The following HAUS1 variants were observed in gnomAD, a reference collection of about 807,000 sequenced individuals.
HAUS1 encodes the protein HAUS augmin like complex subunit 1.
In HAUS1, 25 loss-of-function variants were observed where a neutral mutation model predicts 38.6. That is an observed-to-expected ratio of 0.65 (90% CI 0.47 to 0.91). The LOEUF (loss-of-function observed/expected upper bound fraction) is 0.91. Ranked by LOEUF, HAUS1 falls within the 40% of genes least tolerant of loss-of-function variation. The probability of loss-of-function intolerance (pLI) is 0.00; values close to 1 mark genes in which losing one functional copy is unlikely to be tolerated. For synonymous variants in HAUS1, 109 were observed against 112.9 expected (o/e 0.97, Z 0.22); for missense variants, 325 against 328.4 (o/e 0.99, Z 0.08).
chr18:46,118,145 GCAAA>G (rs1293792837), intron 2 of HAUS1, 32 bp from the exon 3 acceptor site: 4 of 1,604,934 alleles, frequency 2.5e-6, no homozygotes, highest in Non-Finnish European at 3.4e-6. Flanking sequence ...TTTTAAAAAA[GCAAA>G]CAGTCACTAT....
chr18:46,109,070 CAAAA>C (rs58584750), intron 2 of HAUS1, among the ~76,000 whole-genome samples: 10 of 83,060 alleles, frequency 1.2e-4, no homozygotes, highest in Non-Finnish European at 2.0e-4. Flanking sequence ...GACTCCGTCT[CAAAA>C]AAAAAAAAAA....
intron 2 of HAUS1, among the ~76,000 whole-genome samples, chr18:46,112,861 C>T (rs867683116): frequency 2.8e-3 from 218 of 78,304 alleles, no homozygotes; most frequent in African/African-American, 0.012. Flanking sequence ...TTCCATATTA[C>T]ATATATATAA....
At chr18:46,110,238 C>G (rs1414435071) in intron 2 of HAUS1, among the ~76,000 whole-genome samples, 1 of 148,424 alleles carries the variant, frequency 6.7e-6, no homozygotes, top group African/African-American at 2.5e-5. Flanking sequence ...TCACTGCAGC[C>G]TCGAACTTCT....
At chr18:46,116,060 C>G (rs982162113) in intron 2 of HAUS1, among the ~76,000 whole-genome samples, 2 of 150,088 alleles carry the variant, frequency 1.3e-5, no homozygotes, top group Non-Finnish European at 3.0e-5. Context: ...GAACCGAGAT[C>G]GTGCCACTGC....
intron 2 of HAUS1, among the ~76,000 whole-genome samples, chr18:46,107,515 G>C (rs768890304): frequency 2.0e-5 from 3 of 152,106 alleles, no homozygotes; most frequent in Non-Finnish European, 4.4e-5. Flanking sequence ...ATTGAGATCT[G>C]ATAGCTCTAT....
At chr18:46,127,898 G>T (rs146314565) in intron 8 of HAUS1, among the ~76,000 whole-genome samples, 177 bp from the exon 9 acceptor site, 15 of 152,248 alleles carry the variant, frequency 9.9e-5, no homozygotes, top group African/African-American at 3.4e-4. Context: ...TGCAGGGGAA[G>T]AGGGGAGATG....
rs1317389172 is a variant in HAUS1, at chr18:46,124,733, G to C, written c.667-89G>C. On this transcript the variant is annotated intron_variant, in intron 6 of 8. Transcript: ENST00000282058. ...TTATTTAAAATATACTAATGTTAAT[G>C]CTTTGTTGTGTTTTATTTCAGAAAT... is the stretch of plus-strand genomic sequence containing the variant. 3 of 704,454 alleles carry C rather than the reference G, an allele frequency of 4.3e-6. No individual in the cohort carries two copies. In the African/African-American group the frequency reaches 5.4e-5, roughly 13 times the overall value. 43.6% of individuals were successfully genotyped at this position (704,454 alleles called of 1,614,324 possible).
At chr18:46,105,460 A>G in intron 2 of HAUS1, 92 bp downstream of exon 2, 1 of 1,084,234 alleles carries the variant, frequency 9.2e-7, no homozygotes, top group Non-Finnish European at 1.3e-6. Context: ...ACTGTAGACT[A>G]CTTGTTTTGC....
At position 46,124,837 on chromosome 18, in the gene HAUS1, A is replaced by G. The variant is rs141095123; in HGVS notation, c.682A>G (p.Lys228Glu). 34 of 1,603,108 alleles carry G rather than the reference A, an allele frequency of 2.1e-5. No individual in the cohort carries two copies. Among genetic ancestry groups the G allele is most frequent in the Middle Eastern group, 1.7e-4 (1 of 6,052 alleles). The change falls in exon 7 of 9, where the codon AAG becomes GAG. Residue 228 changes from lysine to glutamate, a missense_variant. Lys to Glu is a moderately conservative substitution (Grantham distance 56). Coordinates refer to ENST00000282058, the MANE Select transcript of HAUS1 (RefSeq NM_138443.4). ...TTACCCCCAGAAACTGGCAAGATTA[A>G]AGCAACAGACTATACCTTTGAAGAA... ...VALSEKLARL[K>E]QQTIPLKKKL... is the part of the protein sequence containing the mutation.
At chr18:46,117,240 T>C (rs1237209918) in intron 2 of HAUS1, among the ~76,000 whole-genome samples, 1 of 152,180 alleles carries the variant, frequency 6.6e-6, no homozygotes, top group African/African-American at 2.4e-5. Context: ...TGAATAAATG[T>C]TTTTAGCAGC....
Position 46,118,742 on chromosome 18 carries a change from CAGG to C in HAUS1, c.341+430_341+432del, listed in dbSNP as rs1178842505. On this transcript the variant is annotated intron_variant, in intron 3 of 8. Transcript: ENST00000282058. ...TTCTTCCAACAACCTTTAGAGGAAT[CAGG>C]AGGTGTGGGTTAAATAATTTATCCG... Among the ~76,000 whole-genome samples, 13 of 152,254 alleles carry C rather than the reference CAGG, an allele frequency of 8.5e-5. No homozygotes were observed. The East Asian group carries it at 2.5e-3, about 29-fold the overall frequency.
At chr18:46,115,458 CA>C (rs35249053) in intron 2 of HAUS1, among the ~76,000 whole-genome samples, 38,735 of 108,350 alleles carry the variant, frequency 0.36, 6,305 homozygotes, top group Middle Eastern at 0.56. Context: ...GACTGCATCT[CA>C]AAAAAAAAAA....
intron 2 of HAUS1, among the ~76,000 whole-genome samples, chr18:46,106,286 C>T (rs1409460204): frequency 6.6e-6 from 1 of 151,868 alleles, no homozygotes; most frequent in Non-Finnish European, 1.5e-5. Context: ...CTGGCTAACA[C>T]GGTGAAACAC....
At chr18:46,123,167 C>T (rs966608338) in intron 5 of HAUS1, 132 bp from the exon 6 acceptor site, 43 of 620,744 alleles carry the variant, frequency 6.9e-5, no homozygotes, top group African/African-American at 5.1e-4. Context: ...GCCGAGATCG[C>T]GCCACTGCAC....
chr18:46,117,862 C>T (rs1054643747), intron 2 of HAUS1, among the ~76,000 whole-genome samples: 1 of 152,034 alleles, frequency 6.6e-6, no homozygotes, highest in African/African-American at 2.4e-5. Context: ...AGGAGAATCA[C>T]TGGAACCCGG....
rs1751538518 is a variant in HAUS1 at position 46,105,073 on chromosome 18, T to A, written c.31-121T>A. 4.9e-6 allele frequency: 3 copies of A among 608,760 alleles called. No homozygotes were observed. In the South Asian group the frequency reaches 8.8e-5, roughly 18 times the overall value. The allele number at this position is 608,760 out of a possible 1,614,324, so 37.7% of individuals were successfully genotyped here. ...CCTAAAGACAAGTGAGGTTGTGAAG[T>A]AGGACTCCAAAATAGTCACAGAAAG... On this transcript the variant is annotated intron_variant, in intron 1 of 8. Coordinates refer to ENST00000282058, the MANE Select transcript of HAUS1 (RefSeq NM_138443.4).
intron 3 of HAUS1, 198 bp downstream of exon 3, chr18:46,118,514 C>T (rs1911854192): frequency 1.3e-5 from 7 of 544,812 alleles, no homozygotes; most frequent in African/African-American, 7.6e-5. Context: ...TTTTCTTCTT[C>T]CAGGATTAGA....
intron 6 of HAUS1, among the ~76,000 whole-genome samples, chr18:46,124,618 G>C (rs1294111363): frequency 6.6e-6 from 1 of 151,810 alleles, no homozygotes; most frequent in East Asian, 1.9e-4. Flanking sequence ...AATTAAATAA[G>C]ACTATAACTT....
intron 2 of HAUS1, among the ~76,000 whole-genome samples, chr18:46,117,603 C>G (rs1347657007): frequency 6.6e-6 from 1 of 152,090 alleles, no homozygotes; most frequent in Non-Finnish European, 1.5e-5. Flanking sequence ...CCAAGGCTGG[C>G]AGATCACCTG....
Sources: gnomAD v4.1 joint callset for allele counts (sites outside exome capture counted in the v4.1 genomes callset) on GRCh38, gnomAD v4.1.1 for gene constraint, MANE v1.5 for transcripts, NCBI Gene and HGNC (gene_info 2026-07-23, HGNC 2026-07-21) for gene names.